The following DPP10 variants were observed in gnomAD, a reference collection of about 807,000 sequenced individuals.
The protein encoded by DPP10 is inactive dipeptidyl peptidase 10.
In DPP10, 33 loss-of-function variants were observed where a neutral mutation model predicts 120.9. That is an observed-to-expected ratio of 0.27 (90% CI 0.21 to 0.37). The LOEUF (loss-of-function observed/expected upper bound fraction) is 0.37. Ranked by LOEUF, DPP10 falls within the 10% of genes least tolerant of loss-of-function variation. The pLI, the probability that DPP10 is intolerant of heterozygous loss-of-function variation, is 1.00. For missense variants in DPP10, 816 were observed against 942.8 expected, an observed-to-expected ratio of 0.87 and a Z score of 1.76; for synonymous variants, 337 against 326.1, an observed-to-expected ratio of 1.03 and a Z score of -0.36.
chr2:114,882,459 G>C (rs1691723533), intron 1 of DPP10, among the ~76,000 whole-genome samples: 1 of 151,970 alleles, frequency 6.6e-6, no homozygotes, highest in African/African-American at 2.4e-5. Context: ...TAAGCTATGG[G>C]GATGTAAAGG....
chr2:115,419,285 G>A (rs902042512), intron 3 of DPP10, among the ~76,000 whole-genome samples: 1 of 152,198 alleles, frequency 6.6e-6, no homozygotes, highest in Non-Finnish European at 1.5e-5. Flanking sequence ...ACAGATGTCA[G>A]TGAAGCCTTG....
intron 3 of DPP10, among the ~76,000 whole-genome samples, chr2:115,377,852 CA>C (rs751700813): frequency 1.2e-3 from 189 of 152,248 alleles, no homozygotes; most frequent in Admixed American, 1.3e-3. Context: ...TGTCAAAGAT[CA>C]GATAGTTGCA....
chr2:115,259,307 C>G (rs1274439645), intron 1 of DPP10, among the ~76,000 whole-genome samples: 1 of 152,026 alleles, frequency 6.6e-6, no homozygotes, highest in Non-Finnish European at 1.5e-5. Flanking sequence ...CATGGAGAAA[C>G]CCCATCTCTA....
Position 115,777,263 on chromosome 2 carries a change from T to A in DPP10, c.1277T>A (p.Ile426Lys). Residue 426 changes from isoleucine (I) to lysine (K), a missense_variant, in exon 14 of 26, where the codon ATA becomes AAA. Physicochemically the swap from Ile to Lys is moderately radical, Grantham distance 102. Coordinates refer to ENST00000410059, the MANE Select transcript of DPP10 (RefSeq NM_020868.6). ...CTGACATCAGGAAACTGGGAAGTGA[T>A]AAAGATCTTGGCATACGATGAAACT... ...RHLTSGNWEV[I>K]KILAYDETTQ... 4 of 1,613,200 alleles carry A rather than the reference T, an allele frequency of 2.5e-6. No individual in the cohort carries two copies. The South Asian group carries it at 3.3e-5, about 13-fold the overall frequency.
At chr2:114,821,222 G>A (rs1361224452) in intron 1 of DPP10, among the ~76,000 whole-genome samples, 2 of 152,170 alleles carry the variant, frequency 1.3e-5, no homozygotes, top group African/African-American at 4.8e-5. Context: ...TCCCACCCTA[G>A]CCTGTTGATA....
At chr2:115,116,641 C>T (rs1168562083) in intron 1 of DPP10, among the ~76,000 whole-genome samples, 1 of 152,076 alleles carries the variant, frequency 6.6e-6, no homozygotes, top group Non-Finnish European at 1.5e-5. Context: ...AAAACCTTGT[C>T]CAAGCCACTT....
At chr2:115,331,457 A>T (rs1316000319) in intron 2 of DPP10, among the ~76,000 whole-genome samples, 7 of 152,168 alleles carry the variant, frequency 4.6e-5, no homozygotes, top group Non-Finnish European at 8.8e-5. Flanking sequence ...TTCCAGCACT[A>T]TGTTGAATAG....
chr2:114,489,051 C>T (rs1437741743), intron 1 of DPP10, among the ~76,000 whole-genome samples: 2 of 152,174 alleles, frequency 1.3e-5, no homozygotes, highest in South Asian at 2.1e-4. Context: ...ATATTTCCAT[C>T]GTATTTGAAT....
At chr2:114,717,330 A>T (rs1008272219) in intron 1 of DPP10, among the ~76,000 whole-genome samples, 2 of 152,204 alleles carry the variant, frequency 1.3e-5, no homozygotes, top group African/African-American at 2.4e-5. Context: ...AAAGACTCTC[A>T]CTTAGACACA....
rs145161021 is a variant in DPP10 at position 115,733,859 on chromosome 2, C to T, written c.698-5880C>T. ...ATTTTCTAAATCAGAGTAATAAAAA[C>T]GATGAAGAGCCAAACGTACACTAAA... On this transcript the variant is annotated intron_variant, in intron 8 of 25. Coordinates refer to ENST00000410059, the MANE Select transcript of DPP10 (RefSeq NM_020868.6). 4.0e-3 allele frequency among the ~76,000 whole-genome samples: 606 copies of T among 152,128 alleles called. 5 individuals are homozygous for T. The highest frequency in any genetic ancestry group is 0.014 in the African/African-American group (573 of 41,510).
intron 5 of DPP10, among the ~76,000 whole-genome samples, chr2:115,666,292 T>C (rs2089448142): frequency 6.6e-6 from 1 of 152,158 alleles, no homozygotes; most frequent in South Asian, 2.1e-4. Context: ...TCAGGAAACT[T>C]ACAATCATGG....
intron 1 of DPP10, among the ~76,000 whole-genome samples, chr2:114,798,177 G>A (rs1404358107): frequency 1.3e-5 from 2 of 152,168 alleles, no homozygotes; most frequent in African/African-American, 4.8e-5. Flanking sequence ...TGGTATCCAG[G>A]ATGGAGTCCC....
intron 5 of DPP10, among the ~76,000 whole-genome samples, chr2:115,608,362 C>G (rs901479098): frequency 6.6e-6 from 1 of 151,962 alleles, no homozygotes; most frequent in East Asian, 1.9e-4. Context: ...TATACTCCAC[C>G]CTGGGCAACA....
intron 1 of DPP10, among the ~76,000 whole-genome samples, chr2:114,877,906 G>A (rs1691287191): frequency 6.6e-6 from 1 of 151,928 alleles, no homozygotes; most frequent in Non-Finnish European, 1.5e-5. Context: ...AATATTTAAG[G>A]AGAGAAATGT....
At chr2:114,625,644 T>C (rs1334182872) in intron 1 of DPP10, among the ~76,000 whole-genome samples, 11 of 151,948 alleles carry the variant, frequency 7.2e-5, no homozygotes, top group Admixed American at 7.2e-4. Flanking sequence ...TCTCCAAAGG[T>C]AATCAAAGAG....
chr2:115,082,230 C>T (rs1298701985), intron 1 of DPP10, among the ~76,000 whole-genome samples: 1 of 152,066 alleles, frequency 6.6e-6, no homozygotes, highest in Non-Finnish European at 1.5e-5. Flanking sequence ...TAAAAACCTT[C>T]CTGCTAAGGT....
chr2:115,007,599 AT>A (rs1701950799), intron 1 of DPP10, among the ~76,000 whole-genome samples: 2 of 150,568 alleles, frequency 1.3e-5, no homozygotes, highest in Non-Finnish European at 3.0e-5. Flanking sequence ...GGAGAAGGAA[AT>A]AAAGGGTATT....
chr2:115,816,121 GAAC>G (rs1161910075), intron 21 of DPP10, among the ~76,000 whole-genome samples: 2 of 151,986 alleles, frequency 1.3e-5, no homozygotes, highest in Non-Finnish European at 2.9e-5. Context: ...GTCAGAAGTA[GAAC>G]AACAACAGGA....
chr2:115,531,039 C>A (rs990495604), intron 5 of DPP10, among the ~76,000 whole-genome samples: 2 of 152,038 alleles, frequency 1.3e-5, no homozygotes, highest in Non-Finnish European at 2.9e-5. Context: ...TACTTGTACA[C>A]GCTTAATCCT....
Sources: allele counts gnomAD v4.1 joint callset (sites outside exome capture counted in the v4.1 genomes callset), GRCh38; gene constraint gnomAD v4.1.1; transcripts MANE v1.5; gene names NCBI Gene and HGNC (gene_info 2026-07-23, HGNC 2026-07-21).